Variants in LRP1B observed in about 807,000 individuals in gnomAD.
LRP1B encodes the protein low-density lipoprotein receptor-related protein 1B.
LRP1B carries 217 observed loss-of-function variants against 556.6 expected under a neutral mutation model. The ratio of observed to expected loss-of-function variants is 0.39; its 90% CI spans 0.35 to 0.44. LRP1B has a LOEUF of 0.44. Among genes scored for constraint, LRP1B ranks in the 20% least tolerant of loss-of-function variants. LRP1B has a pLI of 1.00. For synonymous variants in LRP1B, 2,047 were observed against 1,865.8 expected (o/e 1.10, Z -2.50); for missense variants, 5,053 against 5,620.8 (o/e 0.90, Z 3.23).
At chr2:140,246,995 A>G in intron 87 of LRP1B, 91 bp downstream of exon 87, 1 of 870,210 alleles carries the variant, frequency 1.1e-6, no homozygotes, top group Non-Finnish European at 1.9e-6. Context: ...TCCATGAAGA[A>G]AGTGTTCTAA....
At chr2:141,631,841 T>A (rs1688922016) in intron 2 of LRP1B, among the ~76,000 whole-genome samples, 1 of 152,174 alleles carries the variant, frequency 6.6e-6, no homozygotes, top group Non-Finnish European at 1.5e-5. Flanking sequence ...TTTGTTGAAA[T>A]TTTTTTAACA....
chr2:140,982,387 T>C (rs1696799355), intron 17 of LRP1B, 111 bp from the exon 18 acceptor site: 1 of 648,948 alleles, frequency 1.5e-6, no homozygotes, highest in Admixed American at 2.7e-5. Context: ...TGTTTCTCTA[T>C]TAAAATAAAA....
chr2:140,444,823 G>C, intron 63 of LRP1B, 144 bp from the exon 64 acceptor site: 1 of 604,326 alleles, frequency 1.7e-6, no homozygotes. Context: ...ATAGCTATTA[G>C]ATTCAAATGT....
rs1418247888 is a variant in LRP1B at position 141,862,974 on chromosome 2, T to C, written c.83-52573A>G. ...AATAGATGGTTCAGTGTTGGCTGAA[T>C]AGACCTTCTTATTGCTGAGCTCTCT... is the stretch of plus-strand genomic sequence containing the variant. On this transcript the variant is annotated intron_variant, in intron 1 of 90. Transcript: ENST00000389484. 8.5e-5 allele frequency among the ~76,000 whole-genome samples: 13 copies of C among 152,202 alleles called. 1 individual carries two copies. The highest frequency in any genetic ancestry group is 8.5e-4 in the Admixed American group (13 of 15,278).
chr2:141,249,620 C>CAGAA (rs35927316), intron 4 of LRP1B, among the ~76,000 whole-genome samples: 42,454 of 150,854 alleles, frequency 0.28, 6,923 homozygotes, highest in East Asian at 0.57. Context: ...AATAATAAAA[C>CAGAA]AGAAAGAAAG....
intron 75 of LRP1B, among the ~76,000 whole-genome samples, chr2:140,354,189 A>G (rs1682105240): frequency 6.6e-6 from 1 of 152,108 alleles, no homozygotes; most frequent in African/African-American, 2.4e-5. Flanking sequence ...ATTACCTAAT[A>G]AATCTGTGAG....
At chr2:140,766,153 G>T (rs1399735204) in intron 35 of LRP1B, among the ~76,000 whole-genome samples, 2 of 151,460 alleles carry the variant, frequency 1.3e-5, no homozygotes, top group Admixed American at 6.6e-5. Flanking sequence ...ATCTGCAAAA[G>T]AAATTAATCA....
chr2:141,038,552 A>T (rs1247759319), intron 11 of LRP1B, among the ~76,000 whole-genome samples: 1 of 152,126 alleles, frequency 6.6e-6, no homozygotes, highest in Non-Finnish European at 1.5e-5. Context: ...AATGACTATT[A>T]CTACTCCCTA....
At chr2:141,896,878 G>A (rs1699468685) in intron 1 of LRP1B, among the ~76,000 whole-genome samples, 1 of 152,156 alleles carries the variant, frequency 6.6e-6, no homozygotes, top group Admixed American at 6.6e-5. Flanking sequence ...CTCAGGGATG[G>A]AACTGGGCAT....
chr2:141,134,087 C>T (rs936643819), intron 7 of LRP1B, among the ~76,000 whole-genome samples: 8 of 151,808 alleles, frequency 5.3e-5, no homozygotes, highest in Non-Finnish European at 1.0e-4. Flanking sequence ...ACAAGAAATT[C>T]CCCTACCCGC....
chr2:141,545,133 C>T (rs901374350), intron 2 of LRP1B, among the ~76,000 whole-genome samples: 1 of 152,170 alleles, frequency 6.6e-6, no homozygotes, highest in African/African-American at 2.4e-5. Flanking sequence ...AGCATGTTTG[C>T]ATTAAGAATC....
At chr2:140,400,547 A>G (rs1381465611) in intron 66 of LRP1B, among the ~76,000 whole-genome samples, 2 of 152,142 alleles carry the variant, frequency 1.3e-5, no homozygotes, top group Admixed American at 1.3e-4. Flanking sequence ...AATTTTGGAA[A>G]CTCCCAATTT....
At chr2:142,082,229 A>T (rs764871859) in intron 1 of LRP1B, among the ~76,000 whole-genome samples, 1 of 152,186 alleles carries the variant, frequency 6.6e-6, no homozygotes, top group African/African-American at 2.4e-5. Context: ...GAATGCCTGA[A>T]TTACTTCCCA....
At chr2:141,771,793 C>G (rs1694908463) in intron 2 of LRP1B, among the ~76,000 whole-genome samples, 1 of 152,010 alleles carries the variant, frequency 6.6e-6, no homozygotes, top group Non-Finnish European at 1.5e-5. Context: ...AAGATGATCT[C>G]TTGCTTTTTT....
intron 41 of LRP1B, among the ~76,000 whole-genome samples, chr2:140,640,536 C>T (rs542668147): frequency 6.6e-6 from 1 of 150,742 alleles, no homozygotes; most frequent in African/African-American, 2.4e-5. Flanking sequence ...GCTGGGACTA[C>T]AGGCGCCCGC....
At chr2:141,010,456 A>G (rs776516890) in intron 14 of LRP1B, among the ~76,000 whole-genome samples, 7 of 152,046 alleles carry the variant, frequency 4.6e-5, no homozygotes, top group Non-Finnish European at 8.8e-5. Flanking sequence ...TTTCTGTTTA[A>G]TATGTTATCT....
intron 2 of LRP1B, among the ~76,000 whole-genome samples, chr2:141,718,062 T>A (rs533785847): frequency 1.3e-5 from 2 of 152,284 alleles, no homozygotes; most frequent in Non-Finnish European, 2.9e-5. Flanking sequence ...GTCTGTGCAA[T>A]TATCAGATCT....
At chr2:141,701,601 G>A (rs1196732909) in intron 2 of LRP1B, among the ~76,000 whole-genome samples, 2 of 151,904 alleles carry the variant, frequency 1.3e-5, no homozygotes, top group East Asian at 3.9e-4. Flanking sequence ...TCAAAGAATG[G>A]TTGTGAGGAT....
At chr2:140,288,206 C>A (rs1683236418) in intron 84 of LRP1B, among the ~76,000 whole-genome samples, 1 of 150,462 alleles carries the variant, frequency 6.6e-6, no homozygotes, top group Admixed American at 6.6e-5. Flanking sequence ...GTCTCTTTTG[C>A]CATTCTTATC....
Sources: gnomAD v4.1 joint callset for allele counts (sites outside exome capture counted in the v4.1 genomes callset) on GRCh38, gnomAD v4.1.1 for gene constraint, MANE v1.5 for transcripts, NCBI Gene and HGNC (gene_info 2026-07-23, HGNC 2026-07-21) for gene names.